ST18: variants seen among roughly 807,000 people sequenced by gnomAD.
ST18 encodes ST18 C2H2C-type zinc finger transcription factor.
A neutral mutation model predicts 110.0 loss-of-function variants in ST18; 50 were observed. The observed-to-expected ratio is 0.45, with a 90% CI of 0.36 to 0.58. The LOEUF (loss-of-function observed/expected upper bound fraction) is 0.58. ST18 is among the 20% of genes least tolerant of loss of function. The pLI is 0.00. For missense variants in ST18, 1,306 were observed against 1,280.1 expected, an observed-to-expected ratio of 1.02 and a Z score of -0.31; for synonymous variants, 461 against 452.4, an observed-to-expected ratio of 1.02 and a Z score of -0.24.
chr8:52,147,272 GA>G (rs2057573222), intron 16 of ST18, among the ~76,000 whole-genome samples: 2 of 152,140 alleles, frequency 1.3e-5, no homozygotes, highest in Admixed American at 1.3e-4. Flanking sequence ...GATGAATCCA[GA>G]TGATTTTTTG....
In ST18 at chr8:52,149,876, A is replaced by G; in HGVS notation, c.1908T>C (p.Ser636=). 3 of 1,614,202 alleles carry G rather than the reference A, an allele frequency of 1.9e-6. No homozygotes were observed. The South Asian group carries it at 3.3e-5, about 18-fold the overall frequency. Residue 636 remains serine, a synonymous_variant, in exon 16 of 26, where the codon TCT becomes TCC. Coordinates refer to ENST00000689386, the MANE Select transcript of ST18 (RefSeq NM_001352837.2). ...ATGGGGAAGAGGAAGGAGTTGGAAT[A>G]GAAGTGTTAGAGGAAGTTAGGGGTG... ...KSAPLTSSNT[S]IPTPSSSPFK...
chr8:52,392,706 G>A (rs1839715177), intron 2 of ST18, among the ~76,000 whole-genome samples: 1 of 152,204 alleles, frequency 6.6e-6, no homozygotes, highest in South Asian at 2.1e-4. Flanking sequence ...GAAGAGCACT[G>A]GTTACAGAGT....
chr8:52,227,683 AC>A (rs1208726359), intron 3 of ST18, among the ~76,000 whole-genome samples: 2 of 152,220 alleles, frequency 1.3e-5, no homozygotes, highest in Admixed American at 1.3e-4. Flanking sequence ...TTTCAAAGGA[AC>A]TTTTTCCTTT....
intron 9 of ST18, among the ~76,000 whole-genome samples, chr8:52,177,290 C>T (rs890788798): frequency 3.3e-5 from 5 of 152,210 alleles, no homozygotes; most frequent in Non-Finnish European, 7.3e-5. Context: ...TGAAAGACAG[C>T]AGGTTGAGGA....
intron 2 of ST18, among the ~76,000 whole-genome samples, chr8:52,388,745 A>G (rs371517587): frequency 1.3e-5 from 2 of 149,214 alleles, no homozygotes; most frequent in South Asian, 2.2e-4. Context: ...TCTCCACTGA[A>G]AACCTGGAGG....
chr8:52,282,259 CT>C (rs1391532577), intron 2 of ST18, among the ~76,000 whole-genome samples: 2 of 152,094 alleles, frequency 1.3e-5, no homozygotes, highest in African/African-American at 4.8e-5. Flanking sequence ...ATAATCTTAC[CT>C]GTGAACATAG....
intron 2 of ST18, among the ~76,000 whole-genome samples, chr8:52,242,122 C>T (rs767238078): frequency 3.3e-5 from 5 of 152,228 alleles, no homozygotes; most frequent in Admixed American, 6.5e-5. Context: ...ATAAAAAATG[C>T]TTGCAGATTA....
intron 2 of ST18, among the ~76,000 whole-genome samples, chr8:52,370,519 C>T (rs879806881): frequency 6.6e-6 from 1 of 152,110 alleles, no homozygotes; most frequent in Non-Finnish European, 1.5e-5. Context: ...GTGGTCAGGC[C>T]TTCTGGAGTC....
intron 2 of ST18, among the ~76,000 whole-genome samples, chr8:52,323,857 A>G (rs769641931): frequency 1.3e-5 from 2 of 152,118 alleles, no homozygotes; most frequent in African/African-American, 2.4e-5. Flanking sequence ...GGCAAGTATG[A>G]CCTTTGGAAT....
intron 2 of ST18, among the ~76,000 whole-genome samples, chr8:52,289,006 A>G (rs2095513112): frequency 1.3e-5 from 2 of 152,150 alleles, no homozygotes; most frequent in South Asian, 4.1e-4. Context: ...CTACATGACC[A>G]TCAGAGTTCA....
chr8:52,264,524 G>A (rs2094806049), intron 2 of ST18, among the ~76,000 whole-genome samples: 1 of 152,164 alleles, frequency 6.6e-6, no homozygotes, highest in African/African-American at 2.4e-5. Context: ...AGACACAAGA[G>A]GCTTAAGGGA....
chr8:52,286,180 T>G (rs1377592716), intron 2 of ST18, among the ~76,000 whole-genome samples: 1 of 152,256 alleles, frequency 6.6e-6, no homozygotes, highest in African/African-American at 2.4e-5. Flanking sequence ...TATCAGTGAA[T>G]ATTCCTTCAC....
chr8:52,153,752 T>C (rs961811805), intron 15 of ST18, among the ~76,000 whole-genome samples: 2 of 152,162 alleles, frequency 1.3e-5, no homozygotes, highest in Admixed American at 6.5e-5. Context: ...TAGACAGGCA[T>C]GAGTTCAAAT....
At chr8:52,186,686 G>A (rs955478559) in intron 8 of ST18, among the ~76,000 whole-genome samples, 2 of 152,316 alleles carry the variant, frequency 1.3e-5, no homozygotes, top group South Asian at 2.1e-4. Flanking sequence ...AATAAAAGAC[G>A]GTAGAATATT....
At chr8:52,323,413 A>C (rs574018901) in intron 2 of ST18, among the ~76,000 whole-genome samples, 2 of 152,326 alleles carry the variant, frequency 1.3e-5, no homozygotes, top group Non-Finnish European at 2.9e-5. Context: ...ACATTGTCAC[A>C]AAGGAGAAAG....
intron 2 of ST18, among the ~76,000 whole-genome samples, chr8:52,347,968 A>C (rs1818491654): frequency 1.3e-5 from 2 of 152,180 alleles, no homozygotes; most frequent in African/African-American, 2.4e-5. Flanking sequence ...TATATATTTA[A>C]ATATAGATGT....
chr8:52,289,576 A>T (rs2095522703), intron 2 of ST18, among the ~76,000 whole-genome samples: 1 of 152,216 alleles, frequency 6.6e-6, no homozygotes, highest in Non-Finnish European at 1.5e-5. Flanking sequence ...TGTCATGAGG[A>T]TTTTGATGTT....
At chr8:52,132,219 C>T (rs762504146) in intron 21 of ST18, 40 bp from the exon 22 acceptor site, 2 of 1,545,098 alleles carry the variant, frequency 1.3e-6, no homozygotes, top group South Asian at 2.3e-5. Flanking sequence ...AGGAAGAAGG[C>T]AGTGATAGTC....
chr8:52,312,438 C>T (rs1254977131), intron 2 of ST18, among the ~76,000 whole-genome samples: 3 of 152,196 alleles, frequency 2.0e-5, no homozygotes, highest in Non-Finnish European at 4.4e-5. Context: ...AAAACAATCT[C>T]ACATGGAGAA....
Sources: gnomAD v4.1 joint callset for allele counts (sites outside exome capture counted in the v4.1 genomes callset) on GRCh38, gnomAD v4.1.1 for gene constraint, MANE v1.5 for transcripts, NCBI Gene and HGNC (gene_info 2026-07-23, HGNC 2026-07-21) for gene names.